The following FER1L6 variants were observed in gnomAD, a reference collection of about 807,000 sequenced individuals.
FER1L6 encodes fer-1 like family member 6, also known as fer-1-like protein 6.
Under a neutral mutation model 219.2 loss-of-function variants are expected in FER1L6, and 177 were observed. The observed-to-expected ratio is 0.81, with a 90% CI of 0.71 to 0.91. FER1L6 has a LOEUF of 0.91. Among genes scored for constraint, FER1L6 ranks in the 40% least tolerant of loss-of-function variants. The pLI is 0.00. For synonymous variants in FER1L6, 768 were observed against 824.3 expected (o/e 0.93, Z 1.17); for missense variants, 2,153 against 2,259.9 (o/e 0.95, Z 0.96).
At chr8:123,967,138 G>T (rs540361032) in intron 5 of FER1L6, among the ~76,000 whole-genome samples, 83 of 151,096 alleles carry the variant, frequency 5.5e-4, no homozygotes, top group African/African-American at 1.9e-3. Context: ...GAGACAAAAA[G>T]TATAACGATA....
At chr8:123,970,799 C>G (rs746063603) in intron 6 of FER1L6, among the ~76,000 whole-genome samples, 7 of 152,134 alleles carry the variant, frequency 4.6e-5, no homozygotes, top group Non-Finnish European at 7.4e-5. Context: ...GGGGAAGTGC[C>G]CATGTTGAAG....
intron 37 of FER1L6, among the ~76,000 whole-genome samples, chr8:124,098,297 G>C (rs2130972889): frequency 6.6e-6 from 1 of 152,230 alleles, no homozygotes; most frequent in African/African-American, 2.4e-5. Context: ...ATTAAAAACA[G>C]ATACAACCTA....
At chr8:124,052,732 C>T (rs192569165) in intron 22 of FER1L6, among the ~76,000 whole-genome samples, 225 of 152,232 alleles carry the variant, frequency 1.5e-3, no homozygotes, top group Non-Finnish European at 2.5e-3. Flanking sequence ...TTGCTGTGAG[C>T]CGAGATCGTG....
rs189712132 is a variant in FER1L6, at chr8:123,920,285, G to A, written c.-7-35707G>A. Among the ~76,000 whole-genome samples, 726 of 152,314 alleles carry A rather than the reference G, an allele frequency of 4.8e-3. 4 individuals are homozygous for A. Among genetic ancestry groups the A allele is most frequent in the Non-Finnish European group, 7.1e-3 (481 of 68,024 alleles). ...CAAGACAATCAAGTGGATGGGAAAC[G>A]AAGTTCCTGAGAGGCTGGTGGTGCA... On this transcript the variant is annotated intron_variant, in intron 1 of 40. Transcript: ENST00000522917.
At chr8:123,987,595 C>G (rs920271140) in intron 12 of FER1L6, among the ~76,000 whole-genome samples, 3 of 152,094 alleles carry the variant, frequency 2.0e-5, no homozygotes, top group African/African-American at 7.2e-5. Context: ...GAAATCTTTG[C>G]CCAGATCAAT....
chr8:123,957,644 G>A (rs1456833781), intron 2 of FER1L6, among the ~76,000 whole-genome samples: 1 of 152,102 alleles, frequency 6.6e-6, no homozygotes. Context: ...GCTGGCTCCC[G>A]ATCCCAGGTG....
At chr8:124,037,450 T>G (rs974543553) in intron 19 of FER1L6, among the ~76,000 whole-genome samples, 9 of 152,202 alleles carry the variant, frequency 5.9e-5, no homozygotes, top group Admixed American at 1.3e-4. Flanking sequence ...CAGCCTGTTT[T>G]GTGAGGGTTT....
chr8:123,954,447 G>A (rs1260849710), intron 1 of FER1L6, among the ~76,000 whole-genome samples: 2 of 152,084 alleles, frequency 1.3e-5, no homozygotes, highest in Non-Finnish European at 2.9e-5. Context: ...AAAAAAAGCA[G>A]GACATACATT....
intron 1 of FER1L6, among the ~76,000 whole-genome samples, chr8:123,870,032 CAAGT>C (rs1816898972): frequency 6.6e-6 from 1 of 152,124 alleles, no homozygotes; most frequent in African/African-American, 2.4e-5. Context: ...ACTTGGATGG[CAAGT>C]AAGCATATGA....
rs1186031223 is a variant in FER1L6 at position 124,049,747 on chromosome 8, ACTG to A, written c.2870_2872del (p.Leu957del). ...GAGGGGATCTCCTTGCTGTATTTGA[ACTG>A]CTGCAGGTGAGTGAACCAGATGTGG... On this transcript the variant is annotated inframe_deletion, in exon 22 of 41. Coordinates refer to ENST00000522917, the MANE Select transcript of FER1L6 (RefSeq NM_001039112.2). 11 of 1,613,708 alleles carry A rather than the reference ACTG, an allele frequency of 6.8e-6. No individual in the cohort carries two copies. Among genetic ancestry groups the A allele is most frequent in the Non-Finnish European group, 9.3e-6 (11 of 1,179,906 alleles).
At chr8:124,039,857 G>T (rs1470905035) in intron 19 of FER1L6, 25 bp from the exon 20 acceptor site, 6 of 1,613,890 alleles carry the variant, frequency 3.7e-6, no homozygotes, top group Non-Finnish European at 4.2e-6. Flanking sequence ...ACTAACACCT[G>T]CCCCCTTCCA....
chr8:124,082,390 GATCGACCTGGAGA>G lies in FER1L6; in HGVS notation c.4325_4337del (p.Ile1442ThrfsTer19). ...CAGATGACCTTATTGGTGAGACCAA[GATCGACCTGGAGA>G]ACCGCTTCTACAGCAAACACCGAGC... On this transcript the variant is annotated frameshift_variant, in exon 33 of 41. Transcript: ENST00000522917. LOFTEE classifies it high-confidence loss of function. 1 of 1,614,118 alleles carries G rather than the reference GATCGACCTGGAGA, an allele frequency of 6.2e-7. No individual in the cohort carries two copies. The highest frequency in any genetic ancestry group is 8.5e-7 in the Non-Finnish European group (1 of 1,179,980).
rs546199213 is a variant in FER1L6 at position 124,042,640 on chromosome 8, G to A, written c.2589+2634G>A. 5.9e-5 allele frequency among the ~76,000 whole-genome samples: 9 copies of A among 152,152 alleles called. No individual in the cohort carries two copies. In the South Asian group the frequency reaches 1.0e-3, roughly 18 times the overall value. ...TGCGCTAACACAGAGGGACTTGTCTGCAGGTGACATGCCCCCTTTATGTAT... is the reference window on the plus strand; with the variant it reads ...TGCGCTAACACAGAGGGACTTGTCTACAGGTGACATGCCCCCTTTATGTAT... On this transcript the variant is annotated intron_variant, in intron 20 of 40. Transcript: ENST00000522917.
chr8:123,857,366 C>T lies in FER1L6; in HGVS notation c.-8+5181C>T, dbSNP rs930020205. Among the ~76,000 whole-genome samples the T allele has an allele frequency of 2.6e-5, 4 of 151,962 alleles. No individual in the cohort carries two copies. In the East Asian group the frequency reaches 7.7e-4, roughly 29 times the overall value. ...ACAAAAAAATTTTTTAAAAATTAGC[C>T]AGACATTGTGGCATGCACCTGTAGT... On this transcript the variant is annotated intron_variant, in intron 1 of 40. Coordinates refer to ENST00000522917, the MANE Select transcript of FER1L6 (RefSeq NM_001039112.2).
intron 5 of FER1L6, among the ~76,000 whole-genome samples, chr8:123,968,195 A>C (rs1416000257): frequency 2.6e-5 from 4 of 152,202 alleles, no homozygotes; most frequent in Admixed American, 6.5e-5. Flanking sequence ...AATATGAGAT[A>C]ATATATGAAA....
chr8:124,005,926 C>A (rs751588672), intron 13 of FER1L6, among the ~76,000 whole-genome samples: 18 of 152,328 alleles, frequency 1.2e-4, no homozygotes, highest in Middle Eastern at 6.8e-3. Flanking sequence ...TGTTTTTGAG[C>A]ATTCCCTGAA....
chr8:123,949,915 A>G (rs1334620885), intron 1 of FER1L6, among the ~76,000 whole-genome samples: 1 of 152,228 alleles, frequency 6.6e-6, no homozygotes, highest in Non-Finnish European at 1.5e-5. Context: ...AGCCTAAAAA[A>G]GATAGGAGTT....
chr8:124,011,826 C>A (rs77524347), intron 14 of FER1L6, among the ~76,000 whole-genome samples: 1 of 152,118 alleles, frequency 6.6e-6, no homozygotes. Flanking sequence ...TCATACTTTA[C>A]AATATATTTG....
At chr8:123,861,462 C>T (rs1273891719) in intron 1 of FER1L6, among the ~76,000 whole-genome samples, 2,834 of 141,120 alleles carry the variant, frequency 0.02, 122 homozygotes, top group African/African-American at 0.077. Context: ...CTTGGCGATG[C>T]GGGCTCTTTT....
Sources: allele counts gnomAD v4.1 joint callset (sites outside exome capture counted in the v4.1 genomes callset), GRCh38; gene constraint gnomAD v4.1.1; transcripts MANE v1.5; gene names NCBI Gene and HGNC (gene_info 2026-07-23, HGNC 2026-07-21).